SEPTIN14: variants seen among roughly 807,000 people sequenced by gnomAD.
SEPTIN14 encodes the protein septin-14.
In SEPTIN14, 40 loss-of-function variants were observed where a neutral mutation model predicts 53.6. The ratio of observed to expected loss-of-function variants is 0.75; its 90% CI spans 0.58 to 0.97. SEPTIN14 has a LOEUF of 0.97. SEPTIN14 is among the 50% of genes least tolerant of loss of function. The pLI is 0.00. For missense variants in SEPTIN14, 471 were observed against 508.2 expected (o/e 0.93, Z 0.70); for synonymous variants, 138 against 166.8 (o/e 0.83, Z 1.33).
intron 7 of SEPTIN14, among the ~76,000 whole-genome samples, chr7:55,812,318 A>G (rs1335127473): frequency 1.3e-5 from 2 of 152,212 alleles, no homozygotes; most frequent in African/African-American, 2.4e-5. Flanking sequence ...TGCTAAGAGA[A>G]ATAAACCAGG....
chr7:55,843,263 T>C (rs941003204), intron 4 of SEPTIN14, 135 bp from the exon 5 acceptor site: 106 of 508,744 alleles, frequency 2.1e-4, no homozygotes, highest in Admixed American at 7.4e-5. Context: ...AACATGTCCA[T>C]ACAAAGATAT....
At chr7:55,859,644 T>C (rs184281695) in intron 2 of SEPTIN14, among the ~76,000 whole-genome samples, 254 of 152,246 alleles carry the variant, frequency 1.7e-3, no homozygotes, top group Non-Finnish European at 8.7e-4. Flanking sequence ...ACTTCTTTTA[T>C]CCCTCTCTCC....
rs942213224 is a variant in SEPTIN14, at chr7:55,794,212, A to G, written c.*1701T>C. The G allele has an allele frequency of 1.3e-5, 2 of 152,170 alleles. No individual in the cohort carries two copies. Among genetic ancestry groups the G allele is most frequent in the African/African-American group, 4.8e-5 (2 of 41,446 alleles). 9.4% of individuals were successfully genotyped at this position (152,170 alleles called of 1,614,324 possible). On this transcript the variant is annotated 3_prime_UTR_variant, in exon 10 of 10. Transcript: ENST00000388975. ...AAAAGTCTATTCTCAAATGCAGCAC[A>G]ATGATAATTTTTATAAGGTAGATGT... is the stretch of plus-strand genomic sequence containing the variant.
chr7:55,800,587 G>A (rs539633458), intron 9 of SEPTIN14, among the ~76,000 whole-genome samples: 24 of 150,948 alleles, frequency 1.6e-4, no homozygotes, highest in South Asian at 1.0e-3. Flanking sequence ...TCCCACAGCC[G>A]CACACCAGCC....
chr7:55,812,954 C>CTT (rs554878767), intron 7 of SEPTIN14, among the ~76,000 whole-genome samples: 203 of 140,496 alleles, frequency 1.4e-3, no homozygotes, highest in African/African-American at 4.9e-3. Flanking sequence ...CGACAGGAGC[C>CTT]TTTTTTTTTT....
At position 55,819,110 on chromosome 7, in the gene SEPTIN14, C is replaced by G. The variant is rs375176436; in HGVS notation, c.817+17G>C. 1 of 1,426,814 alleles carries G rather than the reference C, an allele frequency of 7.0e-7. No homozygotes were observed. The highest frequency in any genetic ancestry group is 9.7e-7 in the Non-Finnish European group (1 of 1,028,578). The allele number at this position is 1,426,814 out of a possible 1,614,324, so 88.4% of individuals were successfully genotyped here. ...TTTAACTTAATCATTCCAAAGCCTG[C>G]CCTCTGTCATTTTTACCTTGCAAAA... On this transcript the variant is annotated intron_variant, in intron 7 of 9. Coordinates refer to ENST00000388975, the MANE Select transcript of SEPTIN14 (RefSeq NM_207366.3).
intron 6 of SEPTIN14, among the ~76,000 whole-genome samples, chr7:55,830,336 TATATATATATATA>T (rs1442916100): frequency 8.1e-5 from 3 of 36,814 alleles, no homozygotes; most frequent in African/African-American, 3.8e-4. Context: ...TATATATATA[TATATATATATATA>T]TTTTTTTTTT....
At chr7:55,838,600 G>A (rs960423753) in intron 5 of SEPTIN14, among the ~76,000 whole-genome samples, 11 of 134,534 alleles carry the variant, frequency 8.2e-5, no homozygotes, top group African/African-American at 1.4e-4. Context: ...TTCTTTCAAC[G>A]GGGACTTGCT....
rs1345041259 is a variant in SEPTIN14 at position 55,824,627 on chromosome 7, A to AT, written c.721-5405_721-5404insA. On this transcript the variant is annotated intron_variant, in intron 6 of 9. Transcript: ENST00000388975. ...GTGAAACCCCATCTCTACTAAAAAT[A>AT]CAAAAAAAAAAAATAGCCAGGCGTG... is the stretch of plus-strand genomic sequence containing the variant. Among the ~76,000 whole-genome samples the AT allele has an allele frequency of 6.9e-5, 4 of 57,764 alleles. No homozygotes were observed. In the African/African-American group the frequency reaches 7.0e-4, roughly 10 times the overall value. 37.9% of individuals were successfully genotyped at this position (57,764 alleles called of 152,430 possible).
chr7:55,841,158 C>T (rs1789305385), intron 5 of SEPTIN14, among the ~76,000 whole-genome samples: 1 of 152,064 alleles, frequency 6.6e-6, no homozygotes, highest in Admixed American at 6.6e-5. Flanking sequence ...ATCTGCCCAC[C>T]TCAGCCTCCC....
chr7:55,847,461 T>C (rs1789434926), intron 2 of SEPTIN14, among the ~76,000 whole-genome samples: 1 of 152,172 alleles, frequency 6.6e-6, no homozygotes. Flanking sequence ...CAAAACTGCA[T>C]TTAACACACA....
intron 7 of SEPTIN14, among the ~76,000 whole-genome samples, chr7:55,818,472 C>CAAAAAAA (rs61089405): frequency 1.2e-5 from 1 of 86,300 alleles, no homozygotes; most frequent in African/African-American, 4.5e-5. Flanking sequence ...AACTCTGTCT[C>CAAAAAAA]AAAAAAAAAA....
At chr7:55,805,165 CA>C in intron 9 of SEPTIN14, 92 bp downstream of exon 9, 2 of 1,201,864 alleles carry the variant, frequency 1.7e-6, no homozygotes, top group Admixed American at 2.3e-5. Context: ...AAGTATCCTC[CA>C]AAAACATCAA....
At chr7:55,826,721 C>T (rs558935066) in intron 6 of SEPTIN14, among the ~76,000 whole-genome samples, 2 of 151,452 alleles carry the variant, frequency 1.3e-5, no homozygotes, top group South Asian at 4.2e-4. Flanking sequence ...TGCTTGAACC[C>T]AGGAGGTAGA....
At chr7:55,849,687 G>T (rs543110919) in intron 2 of SEPTIN14, among the ~76,000 whole-genome samples, 2 of 150,200 alleles carry the variant, frequency 1.3e-5, no homozygotes, top group Non-Finnish European at 3.0e-5. Flanking sequence ...CAGAGGTTGC[G>T]GTGAGCCGAG....
At chr7:55,852,662 G>A (rs1018387764) in intron 2 of SEPTIN14, among the ~76,000 whole-genome samples, 1 of 152,014 alleles carries the variant, frequency 6.6e-6, no homozygotes, top group African/African-American at 2.4e-5. Flanking sequence ...CACAAGCACA[G>A]GAAACCAAAG....
At chr7:55,812,731 T>C (rs111531288) in intron 7 of SEPTIN14, among the ~76,000 whole-genome samples, 130 of 152,214 alleles carry the variant, frequency 8.5e-4, no homozygotes, top group East Asian at 3.7e-3. Flanking sequence ...TAATATTATA[T>C]CAAGAAAAGA....
chr7:55,848,344 T>A (rs1789452995), intron 2 of SEPTIN14, among the ~76,000 whole-genome samples: 1 of 152,062 alleles, frequency 6.6e-6, no homozygotes, highest in Non-Finnish European at 1.5e-5. Context: ...GTATTTTTTG[T>A]AGAGAAGGGG....
In SEPTIN14 at chr7:55,805,525, T is replaced by TA. The variant is rs1470494410; in HGVS notation, c.987-136dup. The TA allele has an allele frequency of 2.3e-5, 13 of 570,300 alleles. No individual in the cohort carries two copies. The African/African-American group carries it at 2.4e-4, about 10-fold the overall frequency. 35.3% of individuals were successfully genotyped at this position (570,300 alleles called of 1,614,324 possible). ...TGGGAGACAGAGTAAGACTCCATCA[T>TA]AAAAAAATAAAATAAAATGAAAAAT... On this transcript the variant is annotated intron_variant, in intron 8 of 9. Transcript: ENST00000388975.
Sources: gnomAD v4.1 joint callset for allele counts (sites outside exome capture counted in the v4.1 genomes callset) on GRCh38, gnomAD v4.1.1 for gene constraint, MANE v1.5 for transcripts, NCBI Gene and HGNC (gene_info 2026-07-23, HGNC 2026-07-21) for gene names.